GC: variants seen among roughly 807,000 people sequenced by gnomAD.
GC encodes the protein vitamin D-binding protein.
GC carries 43 observed loss-of-function variants against 56.7 expected under a neutral mutation model. That is an observed-to-expected ratio of 0.76 (90% CI 0.59 to 0.98). The LOEUF (loss-of-function observed/expected upper bound fraction) is 0.98. Among genes scored for constraint, GC ranks in the 50% least tolerant of loss-of-function variants. The pLI is 0.00. For missense variants in GC, 529 were observed against 545.9 expected (o/e 0.97, Z 0.31); for synonymous variants, 216 against 202.7 (o/e 1.07, Z -0.56).
At chr4:71,802,319 C>T (rs1308701948) in intron 1 of GC, among the ~76,000 whole-genome samples, 1 of 152,064 alleles carries the variant, frequency 6.6e-6, no homozygotes, top group Non-Finnish European at 1.5e-5. Flanking sequence ...TCTGGATTGA[C>T]ATTTACCTTC....
chr4:71,766,419 A>T (rs1156833229), intron 3 of GC, among the ~76,000 whole-genome samples: 4 of 152,112 alleles, frequency 2.6e-5, no homozygotes, highest in African/African-American at 9.7e-5. Context: ...CACCATCAAA[A>T]CAATCGTAGC....
At chr4:71,797,745 T>C (rs1443579335) in intron 1 of GC, among the ~76,000 whole-genome samples, 2 of 152,224 alleles carry the variant, frequency 1.3e-5, no homozygotes, top group Admixed American at 6.5e-5. Context: ...TAACCTGTCT[T>C]CTGCGTCAAT....
upstream of GC, among the ~76,000 whole-genome samples, chr4:71,789,007 C>T (rs147905028): frequency 2.6e-5 from 4 of 151,924 alleles, no homozygotes; most frequent in African/African-American, 7.2e-5. Flanking sequence ...TATTTTCCAA[C>T]ACTGAAGCCA....
chr4:71,777,157 T>C (rs2149304809), intron 1 of GC, among the ~76,000 whole-genome samples: 1 of 151,950 alleles, frequency 6.6e-6, no homozygotes, highest in South Asian at 2.1e-4. Context: ...TAGTGATGTG[T>C]TAGCAAGAAT....
At chr4:71,789,662 C>T (rs1467966679) in intron 1 of GC, among the ~76,000 whole-genome samples, 2 of 151,910 alleles carry the variant, frequency 1.3e-5, no homozygotes, top group Non-Finnish European at 1.5e-5. Flanking sequence ...ACACCCTAAT[C>T]CCTGCAACCT....
intron 1 of GC, among the ~76,000 whole-genome samples, chr4:71,801,011 G>A (rs1188773480): frequency 2.6e-5 from 4 of 152,160 alleles, no homozygotes; most frequent in African/African-American, 4.8e-5. Context: ...AAAACTTTAT[G>A]CTTCATAGGA....
At chr4:71,800,946 C>T (rs773189612) in intron 1 of GC, among the ~76,000 whole-genome samples, 16 of 151,994 alleles carry the variant, frequency 1.1e-4, no homozygotes, top group Admixed American at 2.0e-4. Context: ...TTTTTAGATA[C>T]GATACCAAAA....
chr4:71,791,014 T>G (rs1015807192), intron 1 of GC, among the ~76,000 whole-genome samples: 1 of 151,948 alleles, frequency 6.6e-6, no homozygotes, highest in South Asian at 2.1e-4. Context: ...AGAAGACATT[T>G]ATGCAGCCAA....
At chr4:71,745,226 ATAGT>A (rs1300480116) in intron 12 of GC, among the ~76,000 whole-genome samples, 6 of 152,340 alleles carry the variant, frequency 3.9e-5, no homozygotes, top group Admixed American at 2.6e-4. Flanking sequence ...TCACAGACAG[ATAGT>A]TAGAGTGGGG....
chr4:71,744,331 C>T (rs539617653), intron 12 of GC, among the ~76,000 whole-genome samples: 3 of 149,536 alleles, frequency 2.0e-5, no homozygotes, highest in Admixed American at 6.7e-5. Context: ...TGGTGGCGGG[C>T]GCCTGTAGCC....
At chr4:71,747,923 C>T (rs1300030377) in intron 11 of GC, among the ~76,000 whole-genome samples, 1 of 152,108 alleles carries the variant, frequency 6.6e-6, no homozygotes, top group Non-Finnish European at 1.5e-5. Context: ...AACCTGGTAT[C>T]ATTTTTGCTA....
intron 11 of GC, among the ~76,000 whole-genome samples, chr4:71,750,951 T>C (rs1244889684): frequency 6.6e-6 from 1 of 152,160 alleles, no homozygotes; most frequent in Non-Finnish European, 1.5e-5. Flanking sequence ...ATGAAATCAT[T>C]TAACCTAAGT....
chr4:71,748,686 A>G (rs1015769057), intron 11 of GC, among the ~76,000 whole-genome samples: 1 of 152,134 alleles, frequency 6.6e-6, no homozygotes. Context: ...TAAGAGTGCC[A>G]TGGTAAAGCC....
At chr4:71,779,911 A>G (rs960504644) in intron 1 of GC, among the ~76,000 whole-genome samples, 5 of 151,844 alleles carry the variant, frequency 3.3e-5, no homozygotes, top group Non-Finnish European at 5.9e-5. Context: ...ACCCAAAGGG[A>G]ACTTTCTTCT....
At chr4:71,792,307 C>T (rs1042692477) in intron 1 of GC, among the ~76,000 whole-genome samples, 3 of 152,192 alleles carry the variant, frequency 2.0e-5, no homozygotes, top group Non-Finnish European at 2.9e-5. Flanking sequence ...TCCTATTTCT[C>T]CACATTCTCT....
chr4:71,778,844 T>G (rs1742584196), intron 1 of GC, among the ~76,000 whole-genome samples: 1 of 151,398 alleles, frequency 6.6e-6, no homozygotes, highest in African/African-American at 2.4e-5. Context: ...AGTTTTCTCA[T>G]TTGTAAAATG....
chr4:71,771,529 G>C (rs1017388228), intron 1 of GC, among the ~76,000 whole-genome samples: 1 of 152,016 alleles, frequency 6.6e-6, no homozygotes. Flanking sequence ...TTTTTAACAA[G>C]AGACCTACTC....
intron 1 of GC, among the ~76,000 whole-genome samples, chr4:71,778,990 T>TAC (rs142802740): frequency 1.5e-4 from 23 of 150,910 alleles, no homozygotes; most frequent in African/African-American, 3.6e-4. Context: ...TACCTATTTA[T>TAC]ACACACACAC....
intron 1 of GC, among the ~76,000 whole-genome samples, chr4:71,795,613 T>C (rs1342010499): frequency 6.6e-6 from 1 of 152,212 alleles, no homozygotes; most frequent in Admixed American, 6.5e-5. Flanking sequence ...TTTATCCAAT[T>C]TGCCAGTCTG....
Sources: allele counts gnomAD v4.1 joint callset (sites outside exome capture counted in the v4.1 genomes callset), GRCh38; gene constraint gnomAD v4.1.1; transcripts MANE v1.5; gene names NCBI Gene and HGNC (gene_info 2026-07-23, HGNC 2026-07-21).